Variants in COL15A1 observed in about 807,000 individuals in gnomAD.
The protein encoded by COL15A1 is collagen type XV alpha 1 chain.
Under a neutral mutation model 165.9 loss-of-function variants are expected in COL15A1, and 111 were observed. The observed-to-expected ratio is 0.67, with a 90% CI of 0.57 to 0.78. The LOEUF is 0.78. COL15A1 is among the 30% of genes least tolerant of loss of function. COL15A1 has a pLI of 0.00. For synonymous variants in COL15A1, 659 were observed against 674.8 expected, an observed-to-expected ratio of 0.98 and a Z score of 0.36; for missense variants, 1,745 against 1,789.7, an observed-to-expected ratio of 0.98 and a Z score of 0.45.
chr9:99,036,286 T>G, intron 20 of COL15A1, 27 bp from the exon 21 acceptor site: 1 of 1,614,188 alleles, frequency 6.2e-7, no homozygotes, highest in Non-Finnish European at 8.5e-7. Flanking sequence ...AGTGAATTTT[T>G]TTCTCACTTC....
intron 21 of COL15A1, 120 bp from the exon 22 acceptor site, chr9:99,038,548 C>T (rs1305954420): frequency 7.6e-6 from 5 of 655,732 alleles, no homozygotes; most frequent in East Asian, 2.6e-5. Context: ...GGGCTGAGGG[C>T]GTTCTCAGTG....
chr9:98,987,191 G>A (rs2118890819), intron 3 of COL15A1, 103 bp from the exon 4 acceptor site: 5 of 1,119,716 alleles, frequency 4.5e-6, no homozygotes, highest in East Asian at 2.5e-5. Flanking sequence ...TCATTCCCAC[G>A]CTTTTACCTG....
chr9:98,991,205 C>T (rs1190291802), intron 5 of COL15A1, among the ~76,000 whole-genome samples: 2 of 152,170 alleles, frequency 1.3e-5, no homozygotes, highest in Admixed American at 6.5e-5. Flanking sequence ...GGGAAAAGGA[C>T]CTCACCAAGT....
In COL15A1 at chr9:98,963,707, ATGG is replaced by A. The variant is rs201106531; in HGVS notation, c.100+19467_100+19469del. The stretch of plus-strand genomic sequence containing the variant: ...AAAGAGTGTGGGTTTCCTCATCTGG[ATGG>A]TGGTGGTGGGTGATGGGTATAGGAG... On this transcript the variant is annotated intron_variant, in intron 2 of 41. Transcript: ENST00000375001. 9.1e-3 allele frequency among the ~76,000 whole-genome samples: 1,374 copies of A among 151,768 alleles called. 18 individuals are homozygous for A. Among genetic ancestry groups the A allele is most frequent in the African/African-American group, 0.031 (1,294 of 41,356 alleles).
At chr9:99,024,288 T>TG (rs1839082613) in intron 14 of COL15A1, among the ~76,000 whole-genome samples, 1 of 145,310 alleles carries the variant, frequency 6.9e-6, no homozygotes, top group African/African-American at 2.6e-5. Flanking sequence ...TTTTTTTGTT[T>TG]TTTTTTTTTT....
In COL15A1 at chr9:99,035,148, A is replaced by T. The variant is rs1839278288; in HGVS notation, c.2214A>T (p.Gly738=). The T allele has an allele frequency of 1.3e-6, 2 of 1,593,552 alleles. No individual in the cohort carries two copies. The highest frequency in any genetic ancestry group is 1.1e-5 in the South Asian group (1 of 88,464). ...PPGPGCTMGL[G]FEDTEGSGST... is the part of the protein sequence containing the mutation. ...GCCCTGGATGCACAATGGGACTTGG[A>T]TTCGAGGTACTTTTCCCCTTTTCTG... Residue 738 remains glycine (G), a synonymous_variant, in exon 18 of 42, where the codon GGA becomes GGT. Coordinates refer to ENST00000375001, the MANE Select transcript of COL15A1 (RefSeq NM_001855.5).
At chr9:99,034,641 CTTTGAG>C in intron 17 of COL15A1, 57 bp downstream of exon 17, 1 of 1,406,776 alleles carries the variant, frequency 7.1e-7, no homozygotes, top group South Asian at 1.4e-5. Flanking sequence ...CCTCCCCTTT[CTTTGAG>C]TTTACTATAA....
Position 98,982,822 on chromosome 9 carries a change from T to A in COL15A1, c.101-2743T>A, listed in dbSNP as rs568033728. On this transcript the variant is annotated intron_variant, in intron 2 of 41. Coordinates refer to ENST00000375001, the MANE Select transcript of COL15A1 (RefSeq NM_001855.5). ...TGGCTTTTTTGTTGTTTTGTGGAGA[T>A]GAGGTCTCACTATGTTGCCCAGGCT... is the stretch of plus-strand genomic sequence containing the variant. 2.6e-5 allele frequency among the ~76,000 whole-genome samples: 4 copies of A among 152,014 alleles called. No homozygotes were observed. In the South Asian group the frequency reaches 8.3e-4, roughly 32 times the overall value.
chr9:99,064,181 C>T (rs1825859988), intron 39 of COL15A1, among the ~76,000 whole-genome samples: 1 of 152,052 alleles, frequency 6.6e-6, no homozygotes, highest in Admixed American at 6.6e-5. Context: ...TGATTCTTGC[C>T]CTAAGTCTGT....
chr9:98,978,841 C>T (rs1409184949), intron 2 of COL15A1, among the ~76,000 whole-genome samples: 6 of 152,208 alleles, frequency 3.9e-5, no homozygotes, highest in Non-Finnish European at 2.9e-5. Context: ...TCCCAGCCCC[C>T]AGCCACCAGC....
chr9:99,025,080 C>G, intron 15 of COL15A1, 81 bp downstream of exon 15: 6 of 1,261,216 alleles, frequency 4.8e-6, no homozygotes, highest in Non-Finnish European at 6.7e-6. Context: ...ATTGCAAAAC[C>G]CAGCACTGTC....
chr9:98,988,167 A>G (rs552163953), intron 4 of COL15A1, among the ~76,000 whole-genome samples: 1 of 152,340 alleles, frequency 6.6e-6, no homozygotes, highest in South Asian at 2.1e-4. Context: ...ACAACAGAAC[A>G]TAAATTGATT....
intron 2 of COL15A1, among the ~76,000 whole-genome samples, chr9:98,977,790 G>T (rs1457927918): frequency 2.0e-5 from 3 of 152,246 alleles, no homozygotes; most frequent in Non-Finnish European, 2.9e-5. Flanking sequence ...CTTATACCTT[G>T]CATTTCCCAT....
At chr9:98,964,859 C>T (rs992375448) in intron 2 of COL15A1, among the ~76,000 whole-genome samples, 1 of 152,204 alleles carries the variant, frequency 6.6e-6, no homozygotes, top group African/African-American at 2.4e-5. Flanking sequence ...GAAGGTTACC[C>T]TGATTCTTCA....
intron 2 of COL15A1, among the ~76,000 whole-genome samples, chr9:98,968,394 A>C (rs1364189919): frequency 2.6e-5 from 4 of 151,910 alleles, no homozygotes; most frequent in Non-Finnish European, 4.4e-5. Flanking sequence ...GCTGGGTGGC[A>C]CTCCTCCTGG....
intron 2 of COL15A1, among the ~76,000 whole-genome samples, chr9:98,984,045 G>A (rs538523307): frequency 1.3e-5 from 2 of 152,210 alleles, no homozygotes; most frequent in African/African-American, 2.4e-5. Context: ...GGCCTTTGGC[G>A]ATAGCCCAGA....
chr9:99,051,935 G>A (rs1341562249), intron 30 of COL15A1, among the ~76,000 whole-genome samples: 2 of 152,162 alleles, frequency 1.3e-5, no homozygotes, highest in African/African-American at 4.8e-5. Context: ...TGCCCATGAT[G>A]CTCATCTTTG....
rs147117739 is a variant in COL15A1, at chr9:99,034,088, G to A, written c.2044-461G>A. ...TACTCCAGCCAGCTTTGGGTCTTTA[G>A]ATCTTTCCACAAGAGAGCCAGTCAT... On this transcript the variant is annotated intron_variant, in intron 16 of 41. Coordinates refer to ENST00000375001, the MANE Select transcript of COL15A1 (RefSeq NM_001855.5). Among the ~76,000 whole-genome samples, 25 of 152,248 alleles carry A rather than the reference G, an allele frequency of 1.6e-4. No individual in the cohort carries two copies. In the East Asian group the frequency reaches 4.8e-3, roughly 29 times the overall value.
intron 26 of COL15A1, among the ~76,000 whole-genome samples, chr9:99,047,233 T>C (rs1839505916): frequency 6.6e-6 from 1 of 152,166 alleles, no homozygotes; most frequent in Non-Finnish European, 1.5e-5. Flanking sequence ...AGCACTGAAA[T>C]AGGGTCCATG....
Sources: gnomAD v4.1 joint callset for allele counts (sites outside exome capture counted in the v4.1 genomes callset) on GRCh38, gnomAD v4.1.1 for gene constraint, MANE v1.5 for transcripts, NCBI Gene and HGNC (gene_info 2026-07-23, HGNC 2026-07-21) for gene names.